NCAM2: variants seen among roughly 807,000 people sequenced by gnomAD.
NCAM2 encodes N-CAM-2.
A neutral mutation model predicts 98.1 loss-of-function variants in NCAM2; 30 were observed. The observed-to-expected ratio is 0.31, with a 90% CI of 0.23 to 0.41. The LOEUF (loss-of-function observed/expected upper bound fraction) is 0.41, where lower values mean the gene tolerates loss of function less well. NCAM2 is among the 10% of genes least tolerant of loss of function. The pLI is 1.00. For missense variants in NCAM2, 867 were observed against 1,005.8 expected (o/e 0.86, Z 1.87); for synonymous variants, 368 against 342.4 (o/e 1.07, Z -0.83).
At chr21:21,192,289 AGT>A (rs1425118458) in intron 1 of NCAM2, among the ~76,000 whole-genome samples, 1 of 152,024 alleles carries the variant, frequency 6.6e-6, no homozygotes, top group Non-Finnish European at 1.5e-5. Flanking sequence ...AGCAAATGAG[AGT>A]GAGAAAGAAA....
intron 1 of NCAM2, among the ~76,000 whole-genome samples, chr21:21,089,215 C>T (rs2065965087): frequency 6.6e-6 from 1 of 152,018 alleles, no homozygotes; most frequent in Non-Finnish European, 1.5e-5. Context: ...TAAAAAATTA[C>T]CCCAATAGAA....
chr21:21,121,163 CAG>C (rs1361403443), intron 1 of NCAM2, among the ~76,000 whole-genome samples: 6 of 152,140 alleles, frequency 3.9e-5, no homozygotes, highest in Non-Finnish European at 7.3e-5. Context: ...TAAAATATCT[CAG>C]AAGATTATCT....
chr21:21,340,589 C>A (rs780224723), intron 8 of NCAM2, among the ~76,000 whole-genome samples: 5 of 151,934 alleles, frequency 3.3e-5, no homozygotes, highest in Non-Finnish European at 5.9e-5. Flanking sequence ...CTTTTCTGCA[C>A]AAGTTTAATC....
At chr21:21,037,285 T>C (rs1266306066) in intron 1 of NCAM2, among the ~76,000 whole-genome samples, 1 of 152,220 alleles carries the variant, frequency 6.6e-6, no homozygotes, top group Non-Finnish European at 1.5e-5. Flanking sequence ...GCTAAGGTCA[T>C]GGTATCAAAA....
intron 12 of NCAM2, among the ~76,000 whole-genome samples, chr21:21,465,885 C>T (rs1170945289): frequency 6.6e-6 from 1 of 151,974 alleles, no homozygotes; most frequent in African/African-American, 2.4e-5. Context: ...ATTTTGAAAT[C>T]TATAATTGCA....
chr21:21,104,574 T>A (rs1211685652), intron 1 of NCAM2, among the ~76,000 whole-genome samples: 1 of 152,052 alleles, frequency 6.6e-6, no homozygotes, highest in East Asian at 1.9e-4. Flanking sequence ...GTAAACAGAA[T>A]TAGAGGGGTT....
At chr21:21,301,079 A>G (rs1047164968) in intron 5 of NCAM2, among the ~76,000 whole-genome samples, 3 of 151,724 alleles carry the variant, frequency 2.0e-5, no homozygotes, top group African/African-American at 7.3e-5. Context: ...TTTAAATGGG[A>G]TTGTTTGTTT....
At chr21:21,524,066 A>G (rs528249703) in intron 16 of NCAM2, among the ~76,000 whole-genome samples, 2 of 151,966 alleles carry the variant, frequency 1.3e-5, no homozygotes, top group East Asian at 3.9e-4. Flanking sequence ...ACACAATAAG[A>G]ATAATGACAC....
At chr21:21,419,067 A>T (rs568691860) in intron 11 of NCAM2, among the ~76,000 whole-genome samples, 25 of 152,252 alleles carry the variant, frequency 1.6e-4, no homozygotes, top group Non-Finnish European at 3.1e-4. Flanking sequence ...AAAAATATGA[A>T]CTTCCAAAAA....
intron 1 of NCAM2, among the ~76,000 whole-genome samples, chr21:21,136,623 GTTTTTT>G (rs1569062845): frequency 3.8e-4 from 21 of 55,766 alleles, no homozygotes; most frequent in East Asian, 1.1e-3. Flanking sequence ...CACCACGCCT[GTTTTTT>G]GTTTTTTTTT....
chr21:21,464,955 T>C (rs375422574), intron 12 of NCAM2, among the ~76,000 whole-genome samples: 14 of 152,202 alleles, frequency 9.2e-5, no homozygotes, highest in African/African-American at 3.1e-4. Flanking sequence ...CTATTCCCAA[T>C]TGGCCTCCCT....
chr21:21,252,003 G>T (rs1292635022), intron 1 of NCAM2, among the ~76,000 whole-genome samples: 2 of 151,940 alleles, frequency 1.3e-5, no homozygotes, highest in African/African-American at 4.8e-5. Context: ...ATATCACCTA[G>T]GTTTTCTTCT....
intron 1 of NCAM2, among the ~76,000 whole-genome samples, chr21:21,049,377 G>A (rs35307976): frequency 0.16 from 24,461 of 151,860 alleles, 2,391 homozygotes; most frequent in Non-Finnish European, 0.23. Context: ...AATTTTTCAT[G>A]CCCATAAAAC....
At chr21:21,379,261 T>G (rs553423671) in intron 9 of NCAM2, among the ~76,000 whole-genome samples, 2 of 152,232 alleles carry the variant, frequency 1.3e-5, no homozygotes, top group South Asian at 4.1e-4. Flanking sequence ...TTTTCCAGTT[T>G]GATGATTCTG....
At chr21:21,184,388 T>C (rs2068572331) in intron 1 of NCAM2, among the ~76,000 whole-genome samples, 1 of 152,132 alleles carries the variant, frequency 6.6e-6, no homozygotes. Flanking sequence ...CTGTTTTAAC[T>C]GTGGAGTACA....
chr21:21,251,262 A>G (rs1601767624), intron 1 of NCAM2, among the ~76,000 whole-genome samples: 1 of 152,116 alleles, frequency 6.6e-6, no homozygotes, highest in East Asian at 1.9e-4. Context: ...CCATCAACTC[A>G]TCATCTAGGT....
chr21:21,518,623 TAAC>T (rs1363335472), intron 16 of NCAM2, among the ~76,000 whole-genome samples: 1 of 151,284 alleles, frequency 6.6e-6, no homozygotes, highest in African/African-American at 2.4e-5. Context: ...TTATATATAA[TAAC>T]ATCATTACAT....
chr21:21,535,003 A>G (rs1272342844), intron 17 of NCAM2, among the ~76,000 whole-genome samples: 3 of 152,152 alleles, frequency 2.0e-5, no homozygotes, highest in Admixed American at 2.0e-4. Context: ...ATATTTACTG[A>G]AATAAGGACA....
At chr21:21,468,887 G>A (rs762340942) in intron 14 of NCAM2, 104 bp downstream of exon 14, 4 of 1,033,808 alleles carry the variant, frequency 3.9e-6, no homozygotes, top group African/African-American at 3.3e-5. Flanking sequence ...TTTAGTAATT[G>A]TGGTAATAAA....
Sources: allele counts gnomAD v4.1 joint callset (sites outside exome capture counted in the v4.1 genomes callset), GRCh38; gene constraint gnomAD v4.1.1; transcripts MANE v1.5; gene names NCBI Gene and HGNC (gene_info 2026-07-23, HGNC 2026-07-21).